KRIT1: variants seen among roughly 807,000 people sequenced by gnomAD.
The protein encoded by KRIT1 is krev interaction trapped protein 1.
A neutral mutation model predicts 95.8 loss-of-function variants in KRIT1; 45 were observed. The observed-to-expected ratio is 0.47, with a 90% CI of 0.37 to 0.60. The LOEUF (loss-of-function observed/expected upper bound fraction) is 0.60. Among genes scored for constraint, KRIT1 ranks in the 20% least tolerant of loss-of-function variants. The probability of loss-of-function intolerance (pLI) is 0.00; values close to 1 mark genes in which losing one functional copy is unlikely to be tolerated. For synonymous variants in KRIT1, 282 were observed against 278.8 expected (o/e 1.01, Z -0.11); for missense variants, 788 against 877.5 (o/e 0.90, Z 1.29).
At chr7:92,219,179 T>C (rs1396280768) in intron 14 of KRIT1, among the ~76,000 whole-genome samples, 4 of 152,260 alleles carry the variant, frequency 2.6e-5, no homozygotes, top group Admixed American at 6.5e-5. Flanking sequence ...TTTTTGTATT[T>C]TTAGAAGAGA....
In KRIT1 at chr7:92,222,029, T is replaced by G. The variant is rs576080477; in HGVS notation, c.1436A>C (p.Lys479Thr). ...CCAGTCACGAACATGTTGCAAGGGT[T>G]TATGATATGGTTTGAGTTGAAGGCC... ...NLSLQLKPYH[K>T]PLQHVRDWPE... Residue 479 changes from lysine to threonine, a missense_variant, in exon 14 of 19, where the codon AAA (lysine) becomes ACA (threonine). Coordinates refer to ENST00000394505, the MANE Select transcript of KRIT1 (RefSeq NM_194454.3). 42 of 1,613,680 alleles carry G rather than the reference T, an allele frequency of 2.6e-5. No individual in the cohort carries two copies. The highest frequency in any genetic ancestry group is 1.6e-4 in the Middle Eastern group (1 of 6,080).
At chr7:92,235,688 T>C (rs369649957) in intron 7 of KRIT1, 42 bp from the exon 8 acceptor site, 10 of 1,604,700 alleles carry the variant, frequency 6.2e-6, no homozygotes, top group Non-Finnish European at 8.5e-6. Context: ...CATTCGAAAG[T>C]GAAGATGAAA....
chr7:92,218,300 C>T (rs953370899), intron 14 of KRIT1, among the ~76,000 whole-genome samples: 1 of 151,706 alleles, frequency 6.6e-6, no homozygotes, highest in Non-Finnish European at 1.5e-5. Context: ...CCAGGCTGGT[C>T]TCAAATTCCT....
intron 4 of KRIT1, among the ~76,000 whole-genome samples, chr7:92,241,707 A>C (rs1799687677): frequency 6.6e-6 from 1 of 152,222 alleles, no homozygotes; most frequent in African/African-American, 2.4e-5. Flanking sequence ...ATAACCAAAA[A>C]CAAAGTTTGG....
intron 2 of KRIT1, among the ~76,000 whole-genome samples, chr7:92,244,413 G>A: frequency 6.6e-6 from 1 of 152,192 alleles, no homozygotes; most frequent in East Asian, 1.9e-4. Flanking sequence ...CTTTTAAAAG[G>A]TAAACAAATG....
chr7:92,214,587 C>A (rs1221568077), intron 15 of KRIT1, 24 bp downstream of exon 15: 1 of 1,549,088 alleles, frequency 6.5e-7, no homozygotes, highest in Non-Finnish European at 8.9e-7. Flanking sequence ...TAGCACAAGA[C>A]CATGCATAAT....
Position 92,225,109 on chromosome 7 carries a change from C to T in KRIT1, c.1254+611G>A, listed in dbSNP as rs146350570. ...CAGAGGTTGCGGTGAGCTGAGATCG[C>T]GCCATTGTATTCCAGCCTGGGTGAC... On this transcript the variant is annotated intron_variant, in intron 12 of 18. Coordinates refer to ENST00000394505, the MANE Select transcript of KRIT1 (RefSeq NM_194454.3). Among the ~76,000 whole-genome samples the T allele has an allele frequency of 2.4e-4, 37 of 151,804 alleles. 1 individual carries two copies. The highest frequency in any genetic ancestry group is 4.4e-4 in the African/African-American group (18 of 41,372).
chr7:92,240,303 T>C (rs1799348957), intron 5 of KRIT1, among the ~76,000 whole-genome samples: 1 of 152,168 alleles, frequency 6.6e-6, no homozygotes, highest in Non-Finnish European at 1.5e-5. Context: ...AAATGTACAC[T>C]GAATAAGCTT....
intron 11 of KRIT1, 46 bp downstream of exon 11, chr7:92,226,480 A>T: frequency 7.1e-7 from 1 of 1,413,644 alleles, no homozygotes; most frequent in Non-Finnish European, 1.0e-6. Flanking sequence ...ATTACTTGTT[A>T]TTCACTGCTT....
chr7:92,222,752 G>A, intron 13 of KRIT1, 70 bp downstream of exon 13: 1 of 902,482 alleles, frequency 1.1e-6, no homozygotes, highest in Non-Finnish European at 1.8e-6. Flanking sequence ...AAAAGAAGTT[G>A]TATTTTCTAC....
chr7:92,226,310 A>C (rs2131521112), intron 11 of KRIT1, among the ~76,000 whole-genome samples: 1 of 152,314 alleles, frequency 6.6e-6, no homozygotes, highest in Admixed American at 6.5e-5. Flanking sequence ...GTATTTAAAA[A>C]ATCTAAAAAA....
At chr7:92,236,185 G>A in intron 7 of KRIT1, 1 of 423,770 alleles carries the variant, frequency 2.4e-6, no homozygotes, top group Non-Finnish European at 4.3e-6. Context: ...TTAAGCCAGG[G>A]CAGTGTTTAC....
At chr7:92,243,558 A>AT (rs35522438) in intron 3 of KRIT1, among the ~76,000 whole-genome samples, 60,391 of 151,974 alleles carry the variant, frequency 0.4, 12,285 homozygotes, top group African/African-American at 0.45. Flanking sequence ...TTGAGAGGCG[A>AT]TAGAGTAATT....
chr7:92,211,487 T>C (rs1347499261), intron 17 of KRIT1, among the ~76,000 whole-genome samples: 1 of 152,098 alleles, frequency 6.6e-6, no homozygotes, highest in Non-Finnish European at 1.5e-5. Context: ...GAGAGTTGAA[T>C]GATGATTACC....
At chr7:92,209,369 T>A (rs1348575916) in intron 17 of KRIT1, among the ~76,000 whole-genome samples, 1 of 152,046 alleles carries the variant, frequency 6.6e-6, no homozygotes, top group Non-Finnish European at 1.5e-5. Context: ...GAGCATCAGG[T>A]AAGAGAAAGA....
At chr7:92,237,492 T>C (rs1798671541) in intron 6 of KRIT1, among the ~76,000 whole-genome samples, 175 bp downstream of exon 6, 1 of 152,118 alleles carries the variant, frequency 6.6e-6, no homozygotes, top group African/African-American at 2.4e-5. Context: ...GAAGCCTGTA[T>C]ATTATTTTGA....
intron 10 of KRIT1, among the ~76,000 whole-genome samples, chr7:92,232,690 ATTTC>A (rs1318422801): frequency 2.6e-5 from 4 of 151,786 alleles, no homozygotes; most frequent in African/African-American, 9.7e-5. Context: ...AAAGCATGTG[ATTTC>A]TTTTTTTCCT....
In KRIT1 at chr7:92,206,730, C is replaced by G. The variant is rs375087369; in HGVS notation, c.2026-5307G>C. The G allele has an allele frequency of 4.6e-5, 7 of 152,006 alleles. 1 individual carries two copies. The highest frequency in any genetic ancestry group is 7.2e-5 in the African/African-American group (3 of 41,486). The allele number at this position is 152,006 out of a possible 1,614,324, so 9.4% of individuals were successfully genotyped here. A position where few individuals can be genotyped will look rare whatever the true frequency, so the allele number is the denominator to read the frequency against. ...AATTCTTCAGTAACAGATGCTCCCC[C>G]CAAATTTTGAAATGCCTAACAAAAA... On this transcript the variant is annotated intron_variant, in intron 17 of 18. Transcript: ENST00000394505.
chr7:92,243,331 A>AT (rs961092896), intron 3 of KRIT1, among the ~76,000 whole-genome samples: 2 of 152,108 alleles, frequency 1.3e-5, no homozygotes, highest in African/African-American at 2.4e-5. Flanking sequence ...TGTACTGATT[A>AT]TTTTTTATCT....
Sources: gnomAD v4.1 joint callset for allele counts (sites outside exome capture counted in the v4.1 genomes callset) on GRCh38, gnomAD v4.1.1 for gene constraint, MANE v1.5 for transcripts, NCBI Gene and HGNC (gene_info 2026-07-23, HGNC 2026-07-21) for gene names.